Variants in RAB31 observed in about 807,000 individuals in gnomAD.
RAB31 encodes the protein RAB31, member RAS oncogene family.
A neutral mutation model predicts 25.6 loss-of-function variants in RAB31; 21 were observed. That is an observed-to-expected ratio of 0.82 (90% confidence interval 0.58 to 1.18). The LOEUF (loss-of-function observed/expected upper bound fraction) is 1.18, where lower values mean the gene tolerates loss of function less well. Ranked by LOEUF, RAB31 falls within the 50% of genes most tolerant of loss-of-function variation. The pLI is 0.00. For synonymous variants in RAB31, 87 were observed against 84.0 expected, an observed-to-expected ratio of 1.04 and a Z score of -0.20; for missense variants, 196 against 250.1, an observed-to-expected ratio of 0.78 and a Z score of 1.46.
intron 6 of RAB31, 116 bp from the exon 7 acceptor site, chr18:9,859,112 A>G (rs2068834018): frequency 2.6e-6 from 2 of 774,266 alleles, no homozygotes; most frequent in Non-Finnish European, 4.2e-6. Flanking sequence ...CCCCTCCAGG[A>G]ACACCTTTAT....
chr18:9,800,471 C>G (rs571923554), intron 3 of RAB31, among the ~76,000 whole-genome samples: 1 of 152,284 alleles, frequency 6.6e-6, no homozygotes, highest in South Asian at 2.1e-4. Flanking sequence ...CTCAGACGGC[C>G]CCTCCCCATG....
At chr18:9,816,826 G>A (rs560342823) in intron 5 of RAB31, among the ~76,000 whole-genome samples, 19 of 152,258 alleles carry the variant, frequency 1.2e-4, no homozygotes, top group South Asian at 4.1e-4. Context: ...AATTCTAGTC[G>A]TTGATTTTCA....
intron 5 of RAB31, among the ~76,000 whole-genome samples, chr18:9,838,455 C>T (rs1416547188): frequency 6.6e-6 from 1 of 152,198 alleles, no homozygotes; most frequent in African/African-American, 2.4e-5. Context: ...TTCTTCTACC[C>T]TTAGCCTGTG....
intron 3 of RAB31, among the ~76,000 whole-genome samples, chr18:9,811,594 A>G (rs1225482073): frequency 6.6e-6 from 1 of 152,250 alleles, no homozygotes; most frequent in African/African-American, 2.4e-5. Flanking sequence ...CATATTATTT[A>G]AAACTCATTG....
At chr18:9,833,578 A>G (rs774317593) in intron 5 of RAB31, among the ~76,000 whole-genome samples, 9 of 152,196 alleles carry the variant, frequency 5.9e-5, no homozygotes, top group Non-Finnish European at 1.0e-4. Flanking sequence ...TTGATGTTTG[A>G]TAGATGGCAT....
chr18:9,804,288 C>T (rs1042211412), intron 3 of RAB31, among the ~76,000 whole-genome samples: 4 of 152,202 alleles, frequency 2.6e-5, no homozygotes, highest in African/African-American at 7.2e-5. Context: ...ACAGTGACTG[C>T]GCTAGATGAA....
intron 1 of RAB31, among the ~76,000 whole-genome samples, chr18:9,760,912 C>T (rs1385879127): frequency 6.6e-6 from 1 of 152,114 alleles, no homozygotes; most frequent in East Asian, 1.9e-4. Context: ...TGACATAACG[C>T]TTCACAGGGA....
At chr18:9,854,002 T>G (rs369646113) in intron 6 of RAB31, among the ~76,000 whole-genome samples, 2 of 149,690 alleles carry the variant, frequency 1.3e-5, no homozygotes. Context: ...AGGATACATA[T>G]GCAGAACATG....
At chr18:9,858,474 G>A (rs940047911) in intron 6 of RAB31, among the ~76,000 whole-genome samples, 4 of 152,150 alleles carry the variant, frequency 2.6e-5, no homozygotes, top group African/African-American at 7.2e-5. Flanking sequence ...GCAGCCATCA[G>A]CACAGTCAAT....
chr18:9,753,537 A>G, intron 1 of RAB31, among the ~76,000 whole-genome samples: 1 of 152,214 alleles, frequency 6.6e-6, no homozygotes, highest in Middle Eastern at 3.2e-3. Flanking sequence ...TTTTCTTTAT[A>G]AATTACTCAG....
intron 1 of RAB31, among the ~76,000 whole-genome samples, chr18:9,754,826 G>T (rs984972366): frequency 2.0e-5 from 3 of 152,196 alleles, no homozygotes; most frequent in Admixed American, 1.3e-4. Context: ...ATGTACTGTT[G>T]AATCTCCAAT....
At chr18:9,809,343 G>A (rs573666347) in intron 3 of RAB31, among the ~76,000 whole-genome samples, 1 of 138,484 alleles carries the variant, frequency 7.2e-6, no homozygotes, top group Non-Finnish European at 1.6e-5. Flanking sequence ...TTGATCACGC[G>A]AGGTCCCTAG....
chr18:9,857,686 T>TGATAGATAGATA (rs3039678), intron 6 of RAB31, among the ~76,000 whole-genome samples: 23 of 114,176 alleles, frequency 2.0e-4, no homozygotes, highest in Admixed American at 3.5e-4. Flanking sequence ...GATAGATAGA[T>TGATAGATAGATA]GATAGATAGA....
intron 1 of RAB31, among the ~76,000 whole-genome samples, chr18:9,732,240 A>G (rs527967192): frequency 2.0e-5 from 3 of 152,272 alleles, no homozygotes; most frequent in African/African-American, 7.2e-5. Flanking sequence ...AGTCACACGC[A>G]TGCAGGCAAC....
intron 1 of RAB31, among the ~76,000 whole-genome samples, chr18:9,738,104 C>T (rs1022555523): frequency 2.0e-5 from 3 of 152,150 alleles, no homozygotes; most frequent in South Asian, 4.1e-4. Context: ...GCAAGCACAG[C>T]CCTGGTTCCA....
In RAB31 at chr18:9,794,017, C is replaced by T. The variant is rs187959195; in HGVS notation, c.201+1782C>T. Among the ~76,000 whole-genome samples, 441 of 152,206 alleles carry T rather than the reference C, an allele frequency of 2.9e-3. 2 individuals carry two copies. The highest frequency in any genetic ancestry group is 3.7e-3 in the Non-Finnish European group (251 of 68,006). ...GCAATCACAGCTCACCTCAGCCTCCCGAGTAGCAGGGACCACAGGTGCTCA... is the reference window on the plus strand; with the variant it reads ...GCAATCACAGCTCACCTCAGCCTCCTGAGTAGCAGGGACCACAGGTGCTCA... On this transcript the variant is annotated intron_variant, in intron 3 of 6. Coordinates refer to ENST00000578921, the MANE Select transcript of RAB31 (RefSeq NM_006868.4).
chr18:9,769,491 C>CT (rs1251036571), intron 1 of RAB31, among the ~76,000 whole-genome samples: 1 of 152,086 alleles, frequency 6.6e-6, no homozygotes, highest in Non-Finnish European at 1.5e-5. Flanking sequence ...ATTTGGCTCT[C>CT]TATTATTGGT....
intron 6 of RAB31, among the ~76,000 whole-genome samples, chr18:9,857,710 AG>A (rs2068825728): frequency 6.6e-6 from 1 of 151,200 alleles, no homozygotes; most frequent in Non-Finnish European, 1.5e-5. Flanking sequence ...ATAGATAGAT[AG>A]ATAGATAGAT....
intron 3 of RAB31, among the ~76,000 whole-genome samples, chr18:9,798,694 C>T (rs2068498774): frequency 6.6e-6 from 1 of 151,826 alleles, no homozygotes; most frequent in African/African-American, 2.4e-5. Flanking sequence ...TCATAGCTCA[C>T]TGCAACCTCA....
Sources: gnomAD v4.1 joint callset for allele counts (sites outside exome capture counted in the v4.1 genomes callset) on GRCh38, gnomAD v4.1.1 for gene constraint, MANE v1.5 for transcripts, NCBI Gene and HGNC (gene_info 2026-07-23, HGNC 2026-07-21) for gene names.